The following CFAP299 variants were observed in gnomAD, a reference collection of about 807,000 sequenced individuals.
CFAP299 encodes cilia- and flagella-associated protein 299.
A neutral mutation model predicts 27.0 loss-of-function variants in CFAP299; 21 were observed. The ratio of observed to expected loss-of-function variants is 0.78; its 90% CI spans 0.55 to 1.12. The LOEUF is 1.12. Ranked by LOEUF, CFAP299 falls within the 50% of genes most tolerant of loss-of-function variation. CFAP299 has a pLI of 0.00. For synonymous variants in CFAP299, 104 were observed against 98.1 expected (o/e 1.06, Z -0.36); for missense variants, 310 against 276.6 (o/e 1.12, Z -0.86).
At chr4:80,370,754 T>G (rs1044126938) in intron 2 of CFAP299, among the ~76,000 whole-genome samples, 3 of 152,232 alleles carry the variant, frequency 2.0e-5, no homozygotes, top group African/African-American at 7.2e-5. Context: ...CCCTTGTGGC[T>G]TTGTGGCTTC....
intron 2 of CFAP299, among the ~76,000 whole-genome samples, chr4:80,409,965 C>T (rs2110059620): frequency 6.6e-6 from 1 of 152,288 alleles, no homozygotes; most frequent in Non-Finnish European, 1.5e-5. Flanking sequence ...TATGGAGACT[C>T]TGGAGAAGGT....
intron 4 of CFAP299, among the ~76,000 whole-genome samples, chr4:80,924,536 G>GTATATATATATA (rs1209342041): frequency 2.1e-4 from 27 of 130,994 alleles, no homozygotes; most frequent in African/African-American, 9.5e-4. Flanking sequence ...GTGTGTGTGT[G>GTATATATATATA]TGTATATATA....
At chr4:80,798,009 C>G (rs1452430966) in intron 3 of CFAP299, among the ~76,000 whole-genome samples, 1 of 152,136 alleles carries the variant, frequency 6.6e-6, no homozygotes, top group Non-Finnish European at 1.5e-5. Flanking sequence ...TCAGTAAATT[C>G]AGCCTGATTC....
In CFAP299 at chr4:80,687,455, A is replaced by G. The variant is rs370079818; in HGVS notation, c.333+104272A>G. ...CTAGCTAAAATTGCAATTGTAGAAA[A>G]TTTTAAGGATAAACTGAGGGAGAAT... On this transcript the variant is annotated intron_variant, in intron 3 of 5. Coordinates refer to ENST00000358105, the MANE Select transcript of CFAP299 (RefSeq NM_152770.3). Among the ~76,000 whole-genome samples the G allele has an allele frequency of 5.1e-3, 770 of 152,280 alleles. 5 individuals are homozygous for G. The highest frequency in any genetic ancestry group is 0.02 in the Middle Eastern group (6 of 294).
intron 4 of CFAP299, among the ~76,000 whole-genome samples, chr4:80,890,614 T>C (rs1265835587): frequency 6.7e-6 from 1 of 149,206 alleles, no homozygotes; most frequent in East Asian, 2.0e-4. Flanking sequence ...TTTCTAGTTC[T>C]AGATCCCTGA....
intron 3 of CFAP299, among the ~76,000 whole-genome samples, chr4:80,782,460 A>T (rs1726936460): frequency 1.3e-5 from 2 of 148,842 alleles, no homozygotes; most frequent in Admixed American, 1.4e-4. Context: ...TAGAGTGCTG[A>T]CTATATGGAC....
At chr4:80,954,485 G>T (rs887263929) in intron 5 of CFAP299, among the ~76,000 whole-genome samples, 17 of 152,254 alleles carry the variant, frequency 1.1e-4, no homozygotes, top group African/African-American at 3.9e-4. Flanking sequence ...CTTATAAGTG[G>T]CTATTGCTGG....
At chr4:80,701,798 G>C (rs1721500131) in intron 3 of CFAP299, among the ~76,000 whole-genome samples, 3 of 151,930 alleles carry the variant, frequency 2.0e-5, no homozygotes, top group Non-Finnish European at 2.9e-5. Context: ...CGGAATGTGT[G>C]CTTCTACTTT....
chr4:80,953,650 T>C (rs999181618), intron 5 of CFAP299, among the ~76,000 whole-genome samples: 3 of 152,168 alleles, frequency 2.0e-5, no homozygotes, highest in African/African-American at 7.2e-5. Flanking sequence ...CCCCCAGAGA[T>C]AAGCACATTG....
intron 2 of CFAP299, among the ~76,000 whole-genome samples, chr4:80,448,440 A>G (rs1014366830): frequency 6.6e-6 from 1 of 152,192 alleles, no homozygotes; most frequent in African/African-American, 2.4e-5. Flanking sequence ...TTGGGATGCT[A>G]TTTAATATAA....
chr4:80,810,691 A>AT (rs533948479), intron 3 of CFAP299, among the ~76,000 whole-genome samples: 5 of 151,992 alleles, frequency 3.3e-5, no homozygotes, highest in African/African-American at 4.8e-5. Context: ...ATGCCCACAT[A>AT]TTTTTTCAGA....
intron 2 of CFAP299, among the ~76,000 whole-genome samples, 190 bp from the exon 3 acceptor site, chr4:80,582,903 A>G (rs964309569): frequency 1.8e-4 from 27 of 151,834 alleles, no homozygotes; most frequent in Non-Finnish European, 2.7e-4. Context: ...GCTTGATTCC[A>G]AGTGTTTATA....
intron 4 of CFAP299, among the ~76,000 whole-genome samples, chr4:80,885,180 C>T (rs996394917): frequency 5.5e-4 from 84 of 152,288 alleles, no homozygotes; most frequent in African/African-American, 1.9e-3. Flanking sequence ...CAGCCCTAGC[C>T]AGATGGCAAT....
intron 2 of CFAP299, among the ~76,000 whole-genome samples, chr4:80,373,874 C>T (rs1724274342): frequency 6.6e-6 from 1 of 151,794 alleles, no homozygotes; most frequent in African/African-American, 2.4e-5. Context: ...TCTGATGCTT[C>T]AGTAACTAGC....
intron 3 of CFAP299, among the ~76,000 whole-genome samples, chr4:80,787,202 A>G (rs1392917097): frequency 6.7e-6 from 1 of 148,268 alleles, no homozygotes; most frequent in Non-Finnish European, 1.5e-5. Flanking sequence ...CATGGAATAT[A>G]TATATATAAT....
intron 3 of CFAP299, among the ~76,000 whole-genome samples, chr4:80,673,966 C>T (rs1719216585): frequency 6.6e-6 from 1 of 151,316 alleles, no homozygotes; most frequent in Non-Finnish European, 1.5e-5. Context: ...TGTGTCTTGA[C>T]TTTTATCCAA....
At chr4:80,788,504 CAT>C (rs1040435738) in intron 3 of CFAP299, among the ~76,000 whole-genome samples, 2 of 151,768 alleles carry the variant, frequency 1.3e-5, no homozygotes, top group Admixed American at 6.6e-5. Flanking sequence ...AATATATTGA[CAT>C]ATATATGTAT....
chr4:80,957,285 G>A (rs1738119287), intron 5 of CFAP299, among the ~76,000 whole-genome samples: 1 of 152,134 alleles, frequency 6.6e-6, no homozygotes, highest in South Asian at 2.1e-4. Context: ...GCTCCTTACA[G>A]TGCCATGAAT....
intron 3 of CFAP299, among the ~76,000 whole-genome samples, chr4:80,802,243 A>G (rs1385673086): frequency 6.6e-6 from 1 of 152,026 alleles, no homozygotes; most frequent in Non-Finnish European, 1.5e-5. Flanking sequence ...TTTAAAATGT[A>G]TTTTGAATGC....
Sources: allele counts gnomAD v4.1 joint callset (sites outside exome capture counted in the v4.1 genomes callset), GRCh38; gene constraint gnomAD v4.1.1; transcripts MANE v1.5; gene names NCBI Gene and HGNC (gene_info 2026-07-23, HGNC 2026-07-21).